The following EFCAB5 variants were observed in gnomAD, a reference collection of about 807,000 sequenced individuals.
EFCAB5 encodes EF-hand calcium-binding domain-containing protein 5.
Under a neutral mutation model 167.9 loss-of-function variants are expected in EFCAB5, and 131 were observed. The observed-to-expected ratio is 0.78, with a 90% CI of 0.68 to 0.90. EFCAB5 has a LOEUF of 0.90. Ranked by LOEUF, EFCAB5 falls within the 40% of genes least tolerant of loss-of-function variation. The pLI is 0.00. For missense variants in EFCAB5, 1,663 were observed against 1,745.2 expected (o/e 0.95, Z 0.84); for synonymous variants, 574 against 602.8 (o/e 0.95, Z 0.70).
intron 22 of EFCAB5, among the ~76,000 whole-genome samples, chr17:30,106,826 A>T (rs1458972301): frequency 6.6e-6 from 1 of 152,174 alleles, no homozygotes; most frequent in Non-Finnish European, 1.5e-5. Context: ...CTCTGGTCCC[A>T]GCTACTTGGG....
At position 30,108,044 on chromosome 17, in the gene EFCAB5, T is replaced by C; in HGVS notation, c.*20T>C. 1 of 1,587,254 alleles carries C rather than the reference T, an allele frequency of 6.3e-7. No individual in the cohort carries two copies. ...AAGTGATAATGGATGATAATGGAAT[T>C]GATACTGTATTTAGGATCCTTTGTT... On this transcript the variant is annotated 3_prime_UTR_variant, in exon 23 of 23. Coordinates refer to ENST00000394835, the MANE Select transcript of EFCAB5 (RefSeq NM_198529.4).
chr17:29,952,691 CA>C (rs1460680497), intron 3 of EFCAB5, among the ~76,000 whole-genome samples: 2 of 152,012 alleles, frequency 1.3e-5, no homozygotes, highest in East Asian at 3.9e-4. Flanking sequence ...AAAACAAGAA[CA>C]ATGTTGTATT....
chr17:30,036,569 A>G (rs918139396), intron 8 of EFCAB5, among the ~76,000 whole-genome samples: 6 of 151,414 alleles, frequency 4.0e-5, no homozygotes, highest in African/African-American at 1.5e-4. Context: ...AGCTAAGACT[A>G]CAGGCATGTA....
At chr17:30,076,904 T>C (rs998469183) in intron 14 of EFCAB5, among the ~76,000 whole-genome samples, 1 of 152,348 alleles carries the variant, frequency 6.6e-6, no homozygotes, top group South Asian at 2.1e-4. Context: ...TAGAAAGATA[T>C]GTTGAAAAGA....
intron 2 of EFCAB5, 75 bp downstream of exon 2, chr17:29,942,377 G>A: frequency 7.6e-7 from 1 of 1,315,342 alleles, no homozygotes; most frequent in Non-Finnish European, 1.0e-6. Flanking sequence ...TATGATAAAA[G>A]AAAAGATGTG....
intron 4 of EFCAB5, among the ~76,000 whole-genome samples, chr17:29,979,237 C>G (rs1483115417): frequency 2.0e-5 from 3 of 152,038 alleles, no homozygotes; most frequent in Admixed American, 6.6e-5. Context: ...GTAGTCCCAG[C>G]TACTCGAGAG....
chr17:29,971,495 G>C (rs1159759589), intron 4 of EFCAB5, among the ~76,000 whole-genome samples: 2 of 152,038 alleles, frequency 1.3e-5, no homozygotes, highest in Non-Finnish European at 2.9e-5. Flanking sequence ...TATATTACTA[G>C]TTCTGTTCCA....
chr17:29,985,975 T>C (rs55866125), intron 4 of EFCAB5, among the ~76,000 whole-genome samples: 74,914 of 151,992 alleles, frequency 0.49, 18,827 homozygotes, highest in East Asian at 0.68. Flanking sequence ...AGTCAGGATC[T>C]GCATCTACAG....
chr17:30,061,477 A>T (rs116358927), intron 14 of EFCAB5, among the ~76,000 whole-genome samples: 2 of 152,240 alleles, frequency 1.3e-5, no homozygotes, highest in Non-Finnish European at 2.9e-5. Context: ...GCTTAAAATC[A>T]TAGGATTAGA....
chr17:29,942,336 C>A (rs1382971412), intron 2 of EFCAB5, 34 bp downstream of exon 2: 2 of 1,512,960 alleles, frequency 1.3e-6, no homozygotes, highest in South Asian at 1.3e-5. Flanking sequence ...GATATTAATG[C>A]TGGAGAATAA....
chr17:29,942,028 T>G lies in EFCAB5; in HGVS notation c.42+190T>G, dbSNP rs115885919. On this transcript the variant is annotated intron_variant, in intron 1 of 22. Coordinates refer to ENST00000394835, the MANE Select transcript of EFCAB5 (RefSeq NM_198529.4). ...TAACAGTTGAGTCATGGCGACCTGC[T>G]TCTAGTTGGTTGGCATTCCTTGACT... is the stretch of plus-strand genomic sequence containing the variant. Among the ~76,000 whole-genome samples, 1,089 of 152,368 alleles carry G rather than the reference T, an allele frequency of 7.1e-3. 15 individuals carry two copies. Among genetic ancestry groups the G allele is most frequent in the African/African-American group, 0.022 (932 of 41,586 alleles).
At chr17:29,961,245 C>A (rs2151559277) in intron 3 of EFCAB5, among the ~76,000 whole-genome samples, 1 of 152,154 alleles carries the variant, frequency 6.6e-6, no homozygotes, top group East Asian at 1.9e-4. Flanking sequence ...ACTTATTGAC[C>A]ATTTGTATAT....
chr17:30,052,124 A>AT (rs982664796), intron 9 of EFCAB5, among the ~76,000 whole-genome samples: 1 of 151,486 alleles, frequency 6.6e-6, no homozygotes. Context: ...GTTTATTTTC[A>AT]TTTTTTTTAA....
chr17:30,097,494 T>C (rs909664690), intron 22 of EFCAB5, among the ~76,000 whole-genome samples: 1 of 152,264 alleles, frequency 6.6e-6, no homozygotes, highest in Non-Finnish European at 1.5e-5. Flanking sequence ...CTGTTTCTTC[T>C]TGGCATTTGC....
chr17:29,999,502 T>G (rs1169118744), intron 6 of EFCAB5, among the ~76,000 whole-genome samples: 4 of 152,170 alleles, frequency 2.6e-5, no homozygotes, highest in African/African-American at 9.6e-5. Flanking sequence ...AAAGAACATT[T>G]TTATGCATTA....
intron 14 of EFCAB5, among the ~76,000 whole-genome samples, chr17:30,071,894 C>CA (rs1006404845): frequency 1.3e-5 from 2 of 151,796 alleles, no homozygotes; most frequent in African/African-American, 2.4e-5. Flanking sequence ...AAGCCAGGCA[C>CA]AAAAAAGATA....
At chr17:30,073,057 CTTTA>C in intron 14 of EFCAB5, 1 of 631,856 alleles carries the variant, frequency 1.6e-6, no homozygotes, top group Non-Finnish European at 2.8e-6. Context: ...CATGCCCAAC[CTTTA>C]TTTTTTTTTT....
At chr17:30,057,941 A>C in intron 13 of EFCAB5, 51 bp downstream of exon 13, 1 of 1,523,946 alleles carries the variant, frequency 6.6e-7, no homozygotes, top group East Asian at 2.3e-5. Flanking sequence ...ATTATAAGTA[A>C]ATCTCTCAAC....
chr17:30,106,043 A>C (rs1328082452), intron 22 of EFCAB5, among the ~76,000 whole-genome samples: 1 of 152,156 alleles, frequency 6.6e-6, no homozygotes, highest in Non-Finnish European at 1.5e-5. Context: ...AAAATAAAAT[A>C]TGTTCTGCTT....
Sources: gnomAD v4.1 joint callset for allele counts (sites outside exome capture counted in the v4.1 genomes callset) on GRCh38, gnomAD v4.1.1 for gene constraint, MANE v1.5 for transcripts, NCBI Gene and HGNC (gene_info 2026-07-23, HGNC 2026-07-21) for gene names.